RSPH3: variants seen among roughly 807,000 people sequenced by gnomAD.
RSPH3 encodes the protein radial spoke head protein 3 homolog.
In RSPH3, 21 loss-of-function variants were observed where a neutral mutation model predicts 43.8. The observed-to-expected ratio is 0.48, with a 90% CI of 0.34 to 0.69. RSPH3 has a LOEUF of 0.69. Among genes scored for constraint, RSPH3 ranks in the 30% least tolerant of loss-of-function variants. RSPH3 has a pLI of 0.01. For missense variants in RSPH3, 487 were observed against 516.0 expected, an observed-to-expected ratio of 0.94 and a Z score of 0.54; for synonymous variants, 173 against 179.8, an observed-to-expected ratio of 0.96 and a Z score of 0.30.
At position 158,977,730 on chromosome 6, in the gene RSPH3, C is replaced by T. The variant is rs762719212; in HGVS notation, c.1065G>A (p.Leu355=). 1.2e-6 allele frequency: 2 copies of T among 1,614,154 alleles called. No homozygotes were observed. The highest frequency in any genetic ancestry group is 1.1e-5 in the South Asian group (1 of 91,084). The change falls in exon 8 of 8, where the codon CTG becomes CTA. Residue 355 remains leucine, a synonymous_variant. Coordinates refer to ENST00000367069, the MANE Select transcript of RSPH3 (RefSeq NM_031924.8). ...TCTGCTCCAGGAATTCAGAGGCCTC[C>T]AGTGACTCTGTCATTGCTCCAGGAC... ...PGGPGAMTES[L]EASEFLEQSM...
chr6:158,996,479 A>C lies in RSPH3; in HGVS notation c.117-2553T>G, dbSNP rs529741882. Among the ~76,000 whole-genome samples, 4 of 152,210 alleles carry C rather than the reference A, an allele frequency of 2.6e-5. No individual in the cohort carries two copies. In the South Asian group the frequency reaches 8.3e-4, roughly 32 times the overall value. On this transcript the variant is annotated intron_variant, in intron 1 of 7. Transcript: ENST00000367069. ...GACCCTTTCAAAGGAAAAATCAGAT[A>C]CTCCCATTTCTGTATTTGTGTAACT...
chr6:158,997,271 CTT>C (rs35951023), intron 1 of RSPH3, among the ~76,000 whole-genome samples: 7 of 129,046 alleles, frequency 5.4e-5, no homozygotes, highest in Admixed American at 8.0e-5. Context: ...CTCCTGAACA[CTT>C]TTTTTTTTTT....
intron 5 of RSPH3, among the ~76,000 whole-genome samples, chr6:158,981,930 G>T (rs907858115): frequency 1.3e-5 from 2 of 151,974 alleles, no homozygotes; most frequent in African/African-American, 4.8e-5. Context: ...AAAAAAACTG[G>T]ATTGTAAACC....
intron 4 of RSPH3, 85 bp from the exon 5 acceptor site, chr6:158,982,773 A>T: frequency 1.2e-6 from 1 of 860,154 alleles, no homozygotes; most frequent in Non-Finnish European, 1.8e-6. Flanking sequence ...CAATAACAAG[A>T]TATTATTTAT....
At chr6:158,992,636 G>C (rs1005690881) in intron 2 of RSPH3, among the ~76,000 whole-genome samples, 1 of 151,996 alleles carries the variant, frequency 6.6e-6, no homozygotes, top group Non-Finnish European at 1.5e-5. Context: ...TATGGTGTTC[G>C]GCAGGTTTGG....
intron 6 of RSPH3, among the ~76,000 whole-genome samples, chr6:158,978,754 T>C (rs1777934101): frequency 6.6e-6 from 1 of 152,182 alleles, no homozygotes; most frequent in Non-Finnish European, 1.5e-5. Context: ...TTGGCCAGGA[T>C]GGTCTCAATC....
Position 158,977,636 on chromosome 6 carries a change from A to G in RSPH3, c.1159T>C (p.Ser387Pro), listed in dbSNP as rs893318777. ...TCCATAAACTTCCTTTCCTGGGATGACCTTCTGTCATATGTTGTTCTTTGT... is the reference window on the plus strand; with the variant it reads ...TCCATAAACTTCCTTTCCTGGGATGGCCTTCTGTCATATGTTGTTCTTTGT... ...YLQRTTYDRR[S>P]SQERKFMEER... The change falls in exon 8 of 8, where the codon TCA (serine) becomes CCA (proline). Residue 387 changes from serine (S) to proline (P), a missense_variant. By Grantham distance (74) the Ser-to-Pro change is moderately conservative. Transcript: ENST00000367069. The G allele has an allele frequency of 6.2e-7, 1 of 1,613,898 alleles. No individual in the cohort carries two copies. Among genetic ancestry groups the G allele is most frequent in the Admixed American group, 1.7e-5 (1 of 59,984 alleles).
chr6:158,991,901 A>G (rs1156579155), intron 2 of RSPH3, among the ~76,000 whole-genome samples: 1 of 152,248 alleles, frequency 6.6e-6, no homozygotes, highest in East Asian at 1.9e-4. Flanking sequence ...ATGATACAAA[A>G]GTATCCACAG....
intron 1 of RSPH3, among the ~76,000 whole-genome samples, chr6:158,995,807 G>T (rs1778573060): frequency 6.6e-6 from 1 of 151,974 alleles, no homozygotes; most frequent in South Asian, 2.1e-4. Context: ...CACCGTGTTA[G>T]CCAGGATGGT....
intron 1 of RSPH3, among the ~76,000 whole-genome samples, chr6:158,998,222 C>G (rs1189954603): frequency 7.1e-6 from 1 of 140,000 alleles, no homozygotes; most frequent in African/African-American, 2.7e-5. Context: ...GAGGCCGAGG[C>G]GGGCGGATCA....
Position 158,973,414 on chromosome 6 carries a change from A to G in RSPH3, c.*4124T>C, listed in dbSNP as rs1777733828. 1 of 152,148 alleles carries G rather than the reference A, an allele frequency of 6.6e-6. No individual in the cohort carries two copies. The highest frequency in any genetic ancestry group is 2.4e-5 in the African/African-American group (1 of 41,440). 9.4% of individuals were successfully genotyped at this position (152,148 alleles called of 1,614,324 possible). On this transcript the variant is annotated 3_prime_UTR_variant, in exon 8 of 8. Coordinates refer to ENST00000367069, the MANE Select transcript of RSPH3 (RefSeq NM_031924.8). Reference sequence around the variant, plus strand: ...TGGTACCATAACATTTTGATATAATATGCAAAATGCTGCTTCCCCAACTAT... The same window carrying G: ...TGGTACCATAACATTTTGATATAATGTGCAAAATGCTGCTTCCCCAACTAT...
intron 2 of RSPH3, 139 bp from the exon 3 acceptor site, chr6:158,986,560 A>C (rs1778244765): frequency 3.0e-6 from 2 of 668,828 alleles, no homozygotes; most frequent in Admixed American, 6.4e-5. Context: ...CTTCATTAAA[A>C]TTGTATTGGT....
intron 1 of RSPH3, among the ~76,000 whole-genome samples, chr6:158,998,297 CA>C (rs71297000): frequency 0.14 from 7,618 of 54,008 alleles, 231 homozygotes; most frequent in East Asian, 0.31. Context: ...TAAAAAAATA[CA>C]AAAAAAAAAA....
intron 1 of RSPH3, among the ~76,000 whole-genome samples, chr6:158,995,719 C>A (rs1298543520): frequency 6.6e-6 from 1 of 152,064 alleles, no homozygotes; most frequent in Non-Finnish European, 1.5e-5. Context: ...CTCAGCCTCC[C>A]GAGTAGCTGG....
At position 158,977,483 on chromosome 6, in the gene RSPH3, C is replaced by T. The variant is rs557639356; in HGVS notation, c.*55G>A. 2.7e-6 allele frequency: 4 copies of T among 1,487,916 alleles called. No individual in the cohort carries two copies. Among genetic ancestry groups the T allele is most frequent in the African/African-American group, 2.8e-5 (2 of 72,034 alleles). The allele number at this position is 1,487,916 out of a possible 1,614,324, so 92.2% of individuals were successfully genotyped here. On this transcript the variant is annotated 3_prime_UTR_variant, in exon 8 of 8. Transcript: ENST00000367069. ...CCTGAGGGGACTCGCACATCATTAC[C>T]TGATTGCTTGCTGACTTGGCTGTTG...
chr6:158,999,722 G>C lies in RSPH3; in HGVS notation c.-172C>G. 2 of 1,613,624 alleles carry C rather than the reference G, an allele frequency of 1.2e-6. No homozygotes were observed. Among genetic ancestry groups the C allele is most frequent in the South Asian group, 1.1e-5 (1 of 90,998 alleles). ...GGGACGGGAGGTTACCAGCGCAGGA[G>C]GTGGGAGCTATACTGGGCTCGCTCC... On this transcript the variant is annotated 5_prime_UTR_variant, in exon 1 of 8. Coordinates refer to ENST00000367069, the MANE Select transcript of RSPH3 (RefSeq NM_031924.8).
chr6:158,978,233 G>A lies in RSPH3; in HGVS notation c.946+27C>T, dbSNP rs767145698. The A allele has an allele frequency of 4.3e-6, 5 of 1,157,236 alleles. No homozygotes were observed. In the African/African-American group the frequency reaches 6.1e-5, roughly 14 times the overall value. 71.7% of individuals were successfully genotyped at this position (1,157,236 alleles called of 1,614,324 possible). ...TATTCTTTCTACTAAAAACTTTAGAGATGAATTTTTGGATAAAATAACTTA... is the reference window on the plus strand; with the variant it reads ...TATTCTTTCTACTAAAAACTTTAGAAATGAATTTTTGGATAAAATAACTTA... On this transcript the variant is annotated intron_variant, in intron 7 of 7. Transcript: ENST00000367069.
chr6:158,977,875 C>G (rs1164024057), intron 7 of RSPH3, 27 bp from the exon 8 acceptor site: 1 of 1,545,124 alleles, frequency 6.5e-7, no homozygotes, highest in Non-Finnish European at 8.8e-7. Flanking sequence ...TCAGACATCA[C>G]TATGATTTTC....
At chr6:158,995,706 T>C (rs1036800216) in intron 1 of RSPH3, among the ~76,000 whole-genome samples, 12 of 152,298 alleles carry the variant, frequency 7.9e-5, no homozygotes, top group South Asian at 2.1e-4. Context: ...GCCATTCTCC[T>C]GCCTCAGCCT....
Sources: gnomAD v4.1 joint callset for allele counts (sites outside exome capture counted in the v4.1 genomes callset) on GRCh38, gnomAD v4.1.1 for gene constraint, MANE v1.5 for transcripts, NCBI Gene and HGNC (gene_info 2026-07-23, HGNC 2026-07-21) for gene names.